The following NETO1 variants were observed in gnomAD, a reference collection of about 807,000 sequenced individuals.
NETO1 encodes the protein neuropilin and tolloid like 1, also known as neuropilin and tolloid-like protein 1.
NETO1 carries 26 observed loss-of-function variants against 61.3 expected under a neutral mutation model. The ratio of observed to expected loss-of-function variants is 0.42; its 90% CI spans 0.31 to 0.59. The LOEUF (loss-of-function observed/expected upper bound fraction) is 0.59, where lower values mean the gene tolerates loss of function less well. NETO1 is among the 20% of genes least tolerant of loss of function. The probability of loss-of-function intolerance (pLI) is 0.12; values close to 1 mark genes in which losing one functional copy is unlikely to be tolerated. For missense variants in NETO1, 531 were observed against 662.8 expected, an observed-to-expected ratio of 0.80 and a Z score of 2.18; for synonymous variants, 225 against 225.8, an observed-to-expected ratio of 1.00 and a Z score of 0.03.
Position 72,743,795 on chromosome 18 carries a change from A to G in NETO1, c.*4384T>C, listed in dbSNP as rs1332414576. On this transcript the variant is annotated 3_prime_UTR_variant, in exon 11 of 11. Transcript: ENST00000327305. ...AAGAATGTTTTATTTTAAATAATTTATACATTGTTTTCTGGTCATTTTTAA... is the reference window on the plus strand; with the variant it reads ...AAGAATGTTTTATTTTAAATAATTTGTACATTGTTTTCTGGTCATTTTTAA... The G allele has an allele frequency of 6.6e-6, 1 of 152,206 alleles. No homozygotes were observed. The highest frequency in any genetic ancestry group is 2.4e-5 in the African/African-American group (1 of 41,446). The allele number at this position is 152,206 out of a possible 1,614,324, so 9.4% of individuals were successfully genotyped here.
chr18:72,846,131 G>A (rs567794554), intron 4 of NETO1, among the ~76,000 whole-genome samples: 1 of 151,738 alleles, frequency 6.6e-6, no homozygotes, highest in South Asian at 2.1e-4. Flanking sequence ...GGCTGACTGG[G>A]TCAAAAGATA....
chr18:72,779,869 C>T (rs2071679078), intron 7 of NETO1, among the ~76,000 whole-genome samples: 1 of 152,072 alleles, frequency 6.6e-6, no homozygotes. Flanking sequence ...TTAGGAAGTC[C>T]GAGATCAAGG....
chr18:72,846,632 G>A (rs2145536408), intron 4 of NETO1, among the ~76,000 whole-genome samples: 1 of 147,020 alleles, frequency 6.8e-6, no homozygotes, highest in Admixed American at 7.3e-5. Context: ...CAGAAAATAA[G>A]CATATTTGTA....
chr18:72,792,736 C>T (rs1267507316), intron 6 of NETO1, among the ~76,000 whole-genome samples: 3 of 151,982 alleles, frequency 2.0e-5, no homozygotes, highest in African/African-American at 7.2e-5. Flanking sequence ...CTGAGTTCTT[C>T]AGAGAGGCCT....
At position 72,867,835 on chromosome 18, in the gene NETO1, C is replaced by A; in HGVS notation, c.-544G>T. ...GCTCAGTCCCCAGTCTCAGACGCGC[C>A]GCGCAGCAGGTCGGAGCAGCCTCCC... On this transcript the variant is annotated 5_prime_UTR_variant, in exon 1 of 11. Transcript: ENST00000327305. 6.4e-6 allele frequency: 1 copy of A among 156,244 alleles called. No homozygotes were observed. Among genetic ancestry groups the A allele is most frequent in the Non-Finnish European group, 1.4e-5 (1 of 71,528 alleles). 9.7% of individuals were successfully genotyped at this position (156,244 alleles called of 1,614,324 possible).
chr18:72,786,110 T>G (rs754272804), intron 6 of NETO1, among the ~76,000 whole-genome samples: 2 of 152,240 alleles, frequency 1.3e-5, no homozygotes, highest in Non-Finnish European at 2.9e-5. Context: ...TCATTTTCTT[T>G]ATTGAATTCC....
intron 4 of NETO1, among the ~76,000 whole-genome samples, chr18:72,850,637 T>C (rs2074220634): frequency 6.6e-6 from 1 of 152,222 alleles, no homozygotes; most frequent in African/African-American, 2.4e-5. Context: ...AGTCAGAGAT[T>C]TCAGAAGATT....
intron 6 of NETO1, among the ~76,000 whole-genome samples, chr18:72,789,532 T>G (rs1351522753): frequency 6.6e-6 from 1 of 152,194 alleles, no homozygotes; most frequent in Admixed American, 6.5e-5. Context: ...GTTACTACAC[T>G]TGGTTTATTG....
chr18:72,796,310 G>A (rs1054102013), intron 4 of NETO1, among the ~76,000 whole-genome samples: 1 of 152,164 alleles, frequency 6.6e-6, no homozygotes, highest in South Asian at 2.1e-4. Context: ...TTTGCTTCTT[G>A]CTTTGTCAAA....
At chr18:72,815,905 A>G (rs950280169) in intron 4 of NETO1, among the ~76,000 whole-genome samples, 1 of 152,222 alleles carries the variant, frequency 6.6e-6, no homozygotes, top group Non-Finnish European at 1.5e-5. Context: ...AATATCCACA[A>G]TAGACTTGTA....
intron 4 of NETO1, among the ~76,000 whole-genome samples, chr18:72,837,866 C>T (rs1436623084): frequency 6.6e-6 from 1 of 151,898 alleles, no homozygotes; most frequent in African/African-American, 2.4e-5. Flanking sequence ...AGCCAACAGC[C>T]ACACAAAACA....
chr18:72,855,048 T>G (rs1226863612), intron 4 of NETO1, among the ~76,000 whole-genome samples: 1 of 152,238 alleles, frequency 6.6e-6, no homozygotes, highest in East Asian at 1.9e-4. Flanking sequence ...GAGAAAACAA[T>G]ATAATTCTAA....
At chr18:72,773,587 C>T (rs1398768522) in intron 7 of NETO1, among the ~76,000 whole-genome samples, 1 of 152,070 alleles carries the variant, frequency 6.6e-6, no homozygotes, top group Admixed American at 6.5e-5. Flanking sequence ...GGGTCAGTTT[C>T]CCCCATCCTG....
chr18:72,810,277 G>T (rs1311961644), intron 4 of NETO1, among the ~76,000 whole-genome samples: 1 of 152,170 alleles, frequency 6.6e-6, no homozygotes, highest in African/African-American at 2.4e-5. Flanking sequence ...ACGGGCATCT[G>T]AAACCAGTAA....
intron 4 of NETO1, among the ~76,000 whole-genome samples, chr18:72,802,538 C>CA (rs1486821174): frequency 2.0e-5 from 3 of 152,238 alleles, no homozygotes; most frequent in Admixed American, 6.5e-5. Context: ...TGAATGTCAG[C>CA]ATGGGCCAAT....
chr18:72,786,829 AT>A (rs113008289), intron 6 of NETO1, among the ~76,000 whole-genome samples: 5,171 of 150,510 alleles, frequency 0.034, 118 homozygotes, highest in African/African-American at 0.058. Context: ...AAAAAAAAAG[AT>A]TTTTTTTTCA....
chr18:72,811,191 T>C (rs1307865049), intron 4 of NETO1, among the ~76,000 whole-genome samples: 1 of 152,158 alleles, frequency 6.6e-6, no homozygotes, highest in Admixed American at 6.5e-5. Flanking sequence ...CACTCACTTT[T>C]CTGACGTCCA....
At chr18:72,759,347 A>T (rs2070893216) in intron 7 of NETO1, among the ~76,000 whole-genome samples, 1 of 152,140 alleles carries the variant, frequency 6.6e-6, no homozygotes, top group African/African-American at 2.4e-5. Context: ...TTCACATGTA[A>T]TTTTTAAAGT....
At chr18:72,789,210 GCACACACACA>G (rs71166426) in intron 6 of NETO1, among the ~76,000 whole-genome samples, 2,100 of 141,554 alleles carry the variant, frequency 0.015, 57 homozygotes, top group African/African-American at 0.051. Flanking sequence ...TAACACACAA[GCACACACACA>G]CACACACACA....
Sources: allele counts gnomAD v4.1 joint callset (sites outside exome capture counted in the v4.1 genomes callset), GRCh38; gene constraint gnomAD v4.1.1; transcripts MANE v1.5; gene names NCBI Gene and HGNC (gene_info 2026-07-23, HGNC 2026-07-21).